Variants in SLC24A3 observed in about 807,000 individuals in gnomAD.
SLC24A3 encodes the protein solute carrier family 24 member 3.
In SLC24A3, 28 loss-of-function variants were observed where a neutral mutation model predicts 75.8. That is an observed-to-expected ratio of 0.37 (90% CI 0.27 to 0.51). The LOEUF is 0.51. Among genes scored for constraint, SLC24A3 ranks in the 20% least tolerant of loss-of-function variants. The probability of loss-of-function intolerance (pLI) is 0.94; values close to 1 mark genes in which losing one functional copy is unlikely to be tolerated. For missense variants in SLC24A3, 663 were observed against 847.8 expected, an observed-to-expected ratio of 0.78 and a Z score of 2.71; for synonymous variants, 372 against 334.1, an observed-to-expected ratio of 1.11 and a Z score of -1.24.
At chr20:19,304,841 AT>A (rs1164225170) in intron 2 of SLC24A3, among the ~76,000 whole-genome samples, 1 of 152,124 alleles carries the variant, frequency 6.6e-6, no homozygotes, top group Non-Finnish European at 1.5e-5. Flanking sequence ...ATTCTTGAGC[AT>A]CCTGAATGCC....
At chr20:19,451,146 T>C (rs1987473257) in intron 2 of SLC24A3, among the ~76,000 whole-genome samples, 1 of 152,264 alleles carries the variant, frequency 6.6e-6, no homozygotes. Context: ...CTTGTATGTA[T>C]GTAATACTTC....
At chr20:19,400,865 A>T (rs1234063372) in intron 2 of SLC24A3, among the ~76,000 whole-genome samples, 1 of 151,902 alleles carries the variant, frequency 6.6e-6, no homozygotes, top group Non-Finnish European at 1.5e-5. Context: ...TGTCTTGAAA[A>T]CTGTTTTATA....
intron 2 of SLC24A3, among the ~76,000 whole-genome samples, chr20:19,426,235 T>C (rs1987003890): frequency 6.6e-6 from 1 of 152,240 alleles, no homozygotes; most frequent in Non-Finnish European, 1.5e-5. Flanking sequence ...TTGTGCTCTG[T>C]ATTACAATAT....
chr20:19,352,947 GT>G (rs1985603350), intron 2 of SLC24A3, among the ~76,000 whole-genome samples: 1 of 152,180 alleles, frequency 6.6e-6, no homozygotes, highest in Non-Finnish European at 1.5e-5. Context: ...CTGTTGTAAT[GT>G]CATAGCATAA....
chr20:19,675,005 G>A (rs1469336647), intron 9 of SLC24A3, among the ~76,000 whole-genome samples: 2 of 152,138 alleles, frequency 1.3e-5, no homozygotes, highest in African/African-American at 4.8e-5. Flanking sequence ...AGCTGAGATC[G>A]CGCCACCACT....
intron 3 of SLC24A3, among the ~76,000 whole-genome samples, chr20:19,568,155 G>C (rs1307066126): frequency 6.6e-6 from 1 of 152,164 alleles, no homozygotes; most frequent in African/African-American, 2.4e-5. Flanking sequence ...GCAAGGATGT[G>C]GAGAAATTGG....
At chr20:19,551,135 G>C (rs551863431) in intron 3 of SLC24A3, among the ~76,000 whole-genome samples, 1 of 152,330 alleles carries the variant, frequency 6.6e-6, no homozygotes, top group South Asian at 2.1e-4. Context: ...TTTCATTAAT[G>C]CATCAAGCCC....
chr20:19,263,701 A>G (rs1230422364), intron 1 of SLC24A3, among the ~76,000 whole-genome samples: 2 of 151,918 alleles, frequency 1.3e-5, no homozygotes, highest in Admixed American at 1.3e-4. Flanking sequence ...GCATGGATCT[A>G]TCTTTCTTTC....
chr20:19,484,245 C>T (rs1187064878), intron 2 of SLC24A3, among the ~76,000 whole-genome samples: 1 of 152,118 alleles, frequency 6.6e-6, no homozygotes, highest in Non-Finnish European at 1.5e-5. Context: ...CAATTCTAAA[C>T]ATAAAATTCA....
intron 6 of SLC24A3, among the ~76,000 whole-genome samples, chr20:19,616,146 T>G (rs939673919): frequency 6.6e-6 from 1 of 152,220 alleles, no homozygotes; most frequent in Non-Finnish European, 1.5e-5. Context: ...GACAAAGAGT[T>G]CTGGAACAAA....
At chr20:19,613,045 C>T (rs2031691509) in intron 6 of SLC24A3, among the ~76,000 whole-genome samples, 1 of 152,210 alleles carries the variant, frequency 6.6e-6, no homozygotes, top group South Asian at 2.1e-4. Flanking sequence ...CCAATGTTCT[C>T]TTCCTCATGA....
chr20:19,311,924 G>T (rs1984467676), intron 2 of SLC24A3, among the ~76,000 whole-genome samples: 1 of 152,010 alleles, frequency 6.6e-6, no homozygotes, highest in Non-Finnish European at 1.5e-5. Context: ...TAGCATGAGG[G>T]TTTCCTTCCC....
chr20:19,253,250 C>G (rs774324622), intron 1 of SLC24A3, among the ~76,000 whole-genome samples: 5 of 152,158 alleles, frequency 3.3e-5, no homozygotes, highest in Non-Finnish European at 7.3e-5. Context: ...GAAATTTCAA[C>G]CAGGGAGTGC....
rs114118688 is a variant in SLC24A3, at chr20:19,553,355, G to T, written c.349-26645G>T. On this transcript the variant is annotated intron_variant, in intron 3 of 16. Coordinates refer to ENST00000328041, the MANE Select transcript of SLC24A3 (RefSeq NM_020689.4). ...GACACTTAAAAACCATGGGGAAATA[G>T]ACCAGTTTCTGTATGTGACTTGCTG... 1.9e-3 allele frequency among the ~76,000 whole-genome samples: 290 copies of T among 152,276 alleles called. 1 individual carries two copies. The highest frequency in any genetic ancestry group is 6.9e-3 in the African/African-American group (287 of 41,562).
intron 5 of SLC24A3, 148 bp from the exon 6 acceptor site, chr20:19,585,293 C>T: frequency 1.3e-6 from 1 of 784,914 alleles, no homozygotes; most frequent in South Asian, 1.7e-5. Flanking sequence ...CAGCTATCAT[C>T]CCTCTGTAGA....
intron 12 of SLC24A3, among the ~76,000 whole-genome samples, chr20:19,688,157 A>AT (rs1839543447): frequency 6.6e-6 from 1 of 152,158 alleles, no homozygotes; most frequent in South Asian, 2.1e-4. Context: ...AATGAAATGC[A>AT]CGTTCTGATT....
chr20:19,324,527 AG>A, intron 2 of SLC24A3, among the ~76,000 whole-genome samples: 1 of 152,264 alleles, frequency 6.6e-6, no homozygotes, highest in East Asian at 1.9e-4. Flanking sequence ...CATGTCCCCC[AG>A]GGTTGTCCTG....
At chr20:19,371,246 G>C (rs768528263) in intron 2 of SLC24A3, among the ~76,000 whole-genome samples, 32 of 152,162 alleles carry the variant, frequency 2.1e-4, no homozygotes, top group Non-Finnish European at 2.4e-4. Context: ...GGTAGGGGAG[G>C]ATGCTAATTC....
chr20:19,708,122 G>A (rs1158937287), intron 15 of SLC24A3, among the ~76,000 whole-genome samples: 1 of 152,104 alleles, frequency 6.6e-6, no homozygotes, highest in Non-Finnish European at 1.5e-5. Context: ...AAAGTTACAA[G>A]GATGTTGGAG....
Sources: allele counts gnomAD v4.1 joint callset (sites outside exome capture counted in the v4.1 genomes callset), GRCh38; gene constraint gnomAD v4.1.1; transcripts MANE v1.5; gene names NCBI Gene and HGNC (gene_info 2026-07-23, HGNC 2026-07-21).